The following ITGB8 variants were observed in gnomAD, a reference collection of about 807,000 sequenced individuals.
The protein encoded by ITGB8 is integrin beta-8.
Under a neutral mutation model 89.5 loss-of-function variants are expected in ITGB8, and 30 were observed. The ratio of observed to expected loss-of-function variants is 0.34; its 90% CI spans 0.25 to 0.45. The LOEUF is 0.45. Ranked by LOEUF, ITGB8 falls within the 20% of genes least tolerant of loss-of-function variation. The pLI is 1.00. For missense variants in ITGB8, 836 were observed against 933.3 expected (o/e 0.90, Z 1.36); for synonymous variants, 335 against 320.4 (o/e 1.05, Z -0.49).
chr7:20,330,801 A>T (rs1368006450), upstream of ITGB8: 1 of 151,998 alleles, frequency 6.6e-6, no homozygotes, highest in Non-Finnish European at 1.5e-5. Flanking sequence ...GCACCCGGCT[A>T]CCCGCAGGTC....
Position 20,406,154 on chromosome 7 carries a change from A to G in ITGB8, c.2006A>G (p.Tyr669Cys). The G allele has an allele frequency of 6.2e-7, 1 of 1,605,170 alleles. No individual in the cohort carries two copies. The highest frequency in any genetic ancestry group is 8.5e-7 in the Non-Finnish European group (1 of 1,171,846). The change falls in exon 12 of 14, where the codon TAT becomes TGT. Residue 669 changes from tyrosine to cysteine, a missense_variant. By Grantham distance (194) the Tyr-to-Cys change is radical. This residue lies in a region of ITGB8 where 422 missense variants were observed against 416.9 expected (regional missense o/e 1.01). Coordinates refer to ENST00000222573, the MANE Select transcript of ITGB8 (RefSeq NM_002214.3). ...TSCALMEQQHYVDQTSECFSS... is the reference protein window; with the variant it reads ...TSCALMEQQHCVDQTSECFSS... ...TGTGCTCTCATGGAACAACAGCATTATGTCGACCAAACTTCAGGTAGGCCA... is the reference window on the plus strand; with the variant it reads ...TGTGCTCTCATGGAACAACAGCATTGTGTCGACCAAACTTCAGGTAGGCCA...
intron 6 of ITGB8, among the ~76,000 whole-genome samples, chr7:20,383,620 T>A (rs1343648770): frequency 6.6e-6 from 1 of 152,212 alleles, no homozygotes; most frequent in African/African-American, 2.4e-5. Context: ...CATCTCTCCA[T>A]AATTGTATTT....
chr7:20,368,636 T>C (rs960362230), intron 3 of ITGB8, among the ~76,000 whole-genome samples: 15 of 152,238 alleles, frequency 9.9e-5, no homozygotes, highest in African/African-American at 2.9e-4. Context: ...TTGCCTCTAA[T>C]AAATATGACT....
intron 3 of ITGB8, among the ~76,000 whole-genome samples, chr7:20,367,759 A>C (rs186270827): frequency 5.6e-4 from 86 of 152,254 alleles, no homozygotes; most frequent in African/African-American, 2.0e-3. Flanking sequence ...ATGGCCCCTG[A>C]GATTAGTATA....
chr7:20,352,710 A>G (rs1222337542), intron 1 of ITGB8: 1 of 152,154 alleles, frequency 6.6e-6, no homozygotes, highest in Non-Finnish European at 1.5e-5. Flanking sequence ...CTCATCATGA[A>G]TTGCCTTGTT....
chr7:20,352,310 A>T (rs1301400179), intron 1 of ITGB8: 2 of 152,220 alleles, frequency 1.3e-5, no homozygotes, highest in African/African-American at 4.8e-5. Context: ...GAAAATTCCC[A>T]GCAGGTGAGT....
Position 20,331,666 on chromosome 7 carries a change from G to C in ITGB8, c.-141G>C. 9.5e-7 allele frequency: 1 copy of C among 1,054,186 alleles called. No homozygotes were observed. The allele number at this position is 1,054,186 out of a possible 1,614,324, so 65.3% of individuals were successfully genotyped here. On this transcript the variant is annotated 5_prime_UTR_variant, in exon 1 of 14. Coordinates refer to ENST00000222573, the MANE Select transcript of ITGB8 (RefSeq NM_002214.3). ...CCCGCTTACCTGCACCGCTTGCTCC[G>C]AGCCGCGGGGTCCGCCTGCTAGGCC...
intron 10 of ITGB8, among the ~76,000 whole-genome samples, chr7:20,402,743 A>T (rs1007400103): frequency 1.3e-5 from 2 of 152,214 alleles, no homozygotes; most frequent in East Asian, 3.8e-4. Context: ...TTGAGGCCAC[A>T]CACAGACCAA....
At chr7:20,360,046 T>C (rs1785440529) in intron 1 of ITGB8, among the ~76,000 whole-genome samples, 1 of 152,190 alleles carries the variant, frequency 6.6e-6, no homozygotes, top group Non-Finnish European at 1.5e-5. Flanking sequence ...ATGTAAGCCC[T>C]GGAACCTGGG....
At chr7:20,348,944 G>A (rs1472434248) in intron 1 of ITGB8, among the ~76,000 whole-genome samples, 1 of 152,048 alleles carries the variant, frequency 6.6e-6, no homozygotes, top group East Asian at 1.9e-4. Context: ...TGGAGAAGAT[G>A]GAATAAGAAT....
rs1482599861 is a variant in ITGB8, at chr7:20,331,200, C to A, written c.-607C>A. 5.3e-6 allele frequency: 1 copy of A among 189,368 alleles called. No homozygotes were observed. Among genetic ancestry groups the A allele is most frequent in the Non-Finnish European group, 1.1e-5 (1 of 92,792 alleles). The allele number at this position is 189,368 out of a possible 1,614,324, so 11.7% of individuals were successfully genotyped here. A position where few individuals can be genotyped will look rare whatever the true frequency, so the allele number is the denominator to read the frequency against. The stretch of plus-strand genomic sequence containing the variant: ...CCAGGACGCTGCCGACTTGTCTTTG[C>A]CCGCTGCTCCGCAGACGGGGCTGCA... On this transcript the variant is annotated 5_prime_UTR_variant, in exon 1 of 14. Transcript: ENST00000222573.
chr7:20,362,234 A>G (rs1785531254), intron 1 of ITGB8, among the ~76,000 whole-genome samples: 1 of 152,104 alleles, frequency 6.6e-6, no homozygotes, highest in Admixed American at 6.5e-5. Flanking sequence ...GAAAGTTGAG[A>G]GAGAAAGAAA....
rs796624393 is a variant in ITGB8 at position 20,411,188 on chromosome 7, CTT to C, written c.*1192_*1193del. 58 of 101,540 alleles carry C rather than the reference CTT, an allele frequency of 5.7e-4. No homozygotes were observed. Among genetic ancestry groups the C allele is most frequent in the African/African-American group, 2.2e-3 (57 of 25,992 alleles). 6.3% of individuals were successfully genotyped at this position (101,540 alleles called of 1,614,324 possible). A position where few individuals can be genotyped will look rare whatever the true frequency, so the allele number is the denominator to read the frequency against. On this transcript the variant is annotated 3_prime_UTR_variant, in exon 14 of 14. Coordinates refer to ENST00000222573, the MANE Select transcript of ITGB8 (RefSeq NM_002214.3). ...TTTTTTTTTGAGACGGAGTTTCACTCTTGTCACCCAGGCTGAAGTGCAATGGC... is the reference window on the plus strand; with the variant it reads ...TTTTTTTTTGAGACGGAGTTTCACTCGTCACCCAGGCTGAAGTGCAATGGC...
chr7:20,342,203 T>C (rs3807932), intron 1 of ITGB8, among the ~76,000 whole-genome samples: 81,230 of 152,098 alleles, frequency 0.53, 22,404 homozygotes, highest in South Asian at 0.72. Context: ...CTCCAAGTTG[T>C]ATAATATAAA....
At chr7:20,346,826 T>A in intron 1 of ITGB8, 2 of 985,406 alleles carry the variant, frequency 2.0e-6, no homozygotes, top group Non-Finnish European at 2.4e-6. Flanking sequence ...CATAGGACTT[T>A]AGGAGAAAAG....
At chr7:20,396,560 G>C (rs1371697906) in intron 8 of ITGB8, among the ~76,000 whole-genome samples, 1 of 152,120 alleles carries the variant, frequency 6.6e-6, no homozygotes, top group Non-Finnish European at 1.5e-5. Context: ...AAATAAGGAA[G>C]AGCGTCTTAA....
In ITGB8 at chr7:20,412,168, A is replaced by G. The variant is rs1337754572; in HGVS notation, c.*2171A>G. The G allele has an allele frequency of 1.3e-5, 2 of 152,598 alleles. No individual in the cohort carries two copies. The allele number at this position is 152,598 out of a possible 1,614,324, so 9.5% of individuals were successfully genotyped here. A position where few individuals can be genotyped will look rare whatever the true frequency, so the allele number is the denominator to read the frequency against. On this transcript the variant is annotated 3_prime_UTR_variant, in exon 14 of 14. Transcript: ENST00000222573. ...CCTATAATAAGTTGTTCTGGAGCCAATAAACACAGCAGCTCTGTTAGATGT... is the reference window on the plus strand; with the variant it reads ...CCTATAATAAGTTGTTCTGGAGCCAGTAAACACAGCAGCTCTGTTAGATGT...
At chr7:20,348,196 A>G (rs992097515) in intron 1 of ITGB8, among the ~76,000 whole-genome samples, 3 of 152,222 alleles carry the variant, frequency 2.0e-5, no homozygotes, top group Non-Finnish European at 1.5e-5. Context: ...AGAAAGAATT[A>G]AAACAGTGAA....
chr7:20,341,365 C>T (rs1172318988), intron 1 of ITGB8, among the ~76,000 whole-genome samples: 1 of 152,034 alleles, frequency 6.6e-6, no homozygotes, highest in Non-Finnish European at 1.5e-5. Flanking sequence ...TTCAGACATC[C>T]TCAGTTTTGG....
Sources: allele counts gnomAD v4.1 joint callset (sites outside exome capture counted in the v4.1 genomes callset), GRCh38; gene constraint gnomAD v4.1.1; regional missense constraint gnomAD v4.1.1; transcripts MANE v1.5; gene names NCBI Gene and HGNC (gene_info 2026-07-23, HGNC 2026-07-21).